Variants in CHD2 observed in about 807,000 individuals in gnomAD.
CHD2 encodes ATP-dependent chromatin remodeler CHD2.
Under a neutral mutation model 243.9 loss-of-function variants are expected in CHD2, and 28 were observed. The ratio of observed to expected loss-of-function variants is 0.11; its 90% CI spans 0.09 to 0.16. CHD2 has a LOEUF of 0.16. Ranked by LOEUF, CHD2 falls within the 10% of genes least tolerant of loss-of-function variation. The probability of loss-of-function intolerance (pLI) is 1.00; values close to 1 mark genes in which losing one functional copy is unlikely to be tolerated. For synonymous variants in CHD2, 775 were observed against 779.0 expected, an observed-to-expected ratio of 0.99 and a Z score of 0.09; for missense variants, 1,386 against 2,209.8, an observed-to-expected ratio of 0.63 and a Z score of 7.47.
chr15:93,020,054 G>A lies in CHD2; in HGVS notation c.4949G>A (p.Gly1650Asp). The A allele has an allele frequency of 1.2e-6, 2 of 1,614,060 alleles. No individual in the cohort carries two copies. The highest frequency in any genetic ancestry group is 1.1e-5 in the South Asian group (1 of 91,074). Residue 1650 changes from glycine (G) to aspartate (D), a missense_variant, in exon 38 of 39, where the codon GGT becomes GAT. Around this residue, in one of 19 missense-constraint regions of CHD2, gnomAD observed 347 missense variants for 341.6 expected, o/e 1.02. Transcript: ENST00000394196. ...AGGGAAAGAAAGTTCAACTATGGTG[G>A]TGGCAACAACAATCCACCATGGGGA... ...WQRERKFNYG[G>D]GNNNPPWGSD...
intron 2 of CHD2, among the ~76,000 whole-genome samples, chr15:92,905,681 T>C (rs1157689549): frequency 1.3e-5 from 2 of 152,262 alleles, no homozygotes; most frequent in Non-Finnish European, 2.9e-5. Flanking sequence ...TGGGAAGAAT[T>C]ATTTGGATAG....
intron 33 of CHD2, 154 bp from the exon 34 acceptor site, chr15:93,004,463 C>G (rs2054295353): frequency 4.8e-6 from 3 of 626,272 alleles, no homozygotes; most frequent in Admixed American, 6.9e-5. Flanking sequence ...ACAGGTTTGT[C>G]TTCATGATGT....
chr15:92,948,787 C>T (rs1485365241), intron 12 of CHD2, among the ~76,000 whole-genome samples, 165 bp from the exon 13 acceptor site: 2 of 152,032 alleles, frequency 1.3e-5, no homozygotes, highest in East Asian at 1.9e-4. Flanking sequence ...TGCAGTGAGC[C>T]GAGATTGGGC....
intron 2 of CHD2, among the ~76,000 whole-genome samples, chr15:92,908,316 G>A (rs1010281632): frequency 1.3e-5 from 2 of 152,184 alleles, no homozygotes; most frequent in Non-Finnish European, 2.9e-5. Context: ...TCAGTGTTCA[G>A]TCTAAACCAT....
chr15:92,971,390 C>T (rs563421210), intron 17 of CHD2, among the ~76,000 whole-genome samples: 50 of 152,166 alleles, frequency 3.3e-4, no homozygotes, highest in Non-Finnish European at 6.2e-4. Context: ...TTTGTGTACA[C>T]ACACACACTT....
chr15:93,011,211 C>T (rs546724043), intron 35 of CHD2, among the ~76,000 whole-genome samples: 1 of 152,026 alleles, frequency 6.6e-6, no homozygotes, highest in South Asian at 2.1e-4. Context: ...TCGCCCTTTA[C>T]AAGTCAAAAA....
chr15:93,023,243 T>C (rs2054554079), intron 38 of CHD2, among the ~76,000 whole-genome samples: 1 of 152,254 alleles, frequency 6.6e-6, no homozygotes, highest in African/African-American at 2.4e-5. Flanking sequence ...TGGATTTGCC[T>C]GTTCTAGACA....
chr15:92,965,539 G>C (rs540142352), intron 16 of CHD2, among the ~76,000 whole-genome samples: 7 of 140,116 alleles, frequency 5.0e-5, no homozygotes, highest in African/African-American at 8.1e-5. Context: ...ACTCCAGCCT[G>C]GGCGACAGAG....
chr15:92,931,279 T>C (rs1409640673), intron 5 of CHD2, among the ~76,000 whole-genome samples: 1 of 152,212 alleles, frequency 6.6e-6, no homozygotes, highest in East Asian at 1.9e-4. Flanking sequence ...AAAAAATTAA[T>C]TCCAAACTTT....
chr15:92,980,938 T>G, intron 23 of CHD2, 27 bp downstream of exon 23: 1 of 1,517,384 alleles, frequency 6.6e-7, no homozygotes, highest in South Asian at 1.1e-5. Context: ...AGAGGGAAAT[T>G]TTTTTGAGAA....
intron 35 of CHD2, among the ~76,000 whole-genome samples, chr15:93,011,428 G>A (rs1304748661): frequency 6.6e-6 from 1 of 152,162 alleles, no homozygotes; most frequent in African/African-American, 2.4e-5. Flanking sequence ...TTCAGCAAAG[G>A]CTTGAAAGTG....
rs1064796449 is a variant in CHD2, at chr15:93,012,388, C to G, written c.4636C>G (p.Arg1546Gly). ...TTCCAAGTTTACAGAATTTGATGCT[C>G]GAAAACTGCATAAGTTATACAAGAT... ...FVSKFTEFDA[R>G]KLHKLYKMAH... Residue 1546 changes from arginine to glycine, a missense_variant, in exon 36 of 39, where the codon CGA becomes GGA. Arg to Gly is a moderately radical substitution (Grantham distance 125). Coordinates refer to ENST00000394196, the MANE Select transcript of CHD2 (RefSeq NM_001271.4). 3.1e-6 allele frequency: 5 copies of G among 1,606,428 alleles called. No individual in the cohort carries two copies. Among genetic ancestry groups the G allele is most frequent in the Non-Finnish European group, 4.2e-6 (5 of 1,177,670 alleles).
intron 16 of CHD2, among the ~76,000 whole-genome samples, chr15:92,962,242 A>G (rs1405775996): frequency 6.7e-6 from 1 of 150,166 alleles, no homozygotes; most frequent in African/African-American, 2.5e-5. Context: ...TTTTCATTTA[A>G]TTTTCTCTTT....
chr15:92,903,877 A>C (rs768474867), intron 2 of CHD2, among the ~76,000 whole-genome samples: 38 of 152,172 alleles, frequency 2.5e-4, no homozygotes, highest in Non-Finnish European at 4.3e-4. Flanking sequence ...GTGCGGGTAA[A>C]TCCTACAATT....
intron 2 of CHD2, chr15:92,901,517 T>TA (rs932892379): frequency 1.0e-5 from 6 of 578,892 alleles, no homozygotes; most frequent in East Asian, 8.6e-5. Flanking sequence ...TAAGGCCTCT[T>TA]ACAGCAGTCA....
intron 5 of CHD2, among the ~76,000 whole-genome samples, chr15:92,930,520 C>T (rs1309724387): frequency 2.0e-5 from 3 of 152,066 alleles, no homozygotes; most frequent in Non-Finnish European, 2.9e-5. Context: ...GCAGCCTTGG[C>T]TTGCTGGACT....
At chr15:92,904,040 T>C (rs1461915564) in intron 2 of CHD2, among the ~76,000 whole-genome samples, 9 of 152,206 alleles carry the variant, frequency 5.9e-5, no homozygotes, top group Non-Finnish European at 1.3e-4. Context: ...GAAGACTGAA[T>C]CTAAACTAAT....
At chr15:93,004,216 T>C (rs890092911) in intron 33 of CHD2, among the ~76,000 whole-genome samples, 3 of 152,202 alleles carry the variant, frequency 2.0e-5, no homozygotes, top group African/African-American at 4.8e-5. Flanking sequence ...AGAGTTCATT[T>C]ACAATAATGT....
At chr15:92,926,385 T>A (rs886882861) in intron 3 of CHD2, among the ~76,000 whole-genome samples, 6 of 152,232 alleles carry the variant, frequency 3.9e-5, no homozygotes, top group Non-Finnish European at 7.3e-5. Flanking sequence ...AACCCATATT[T>A]CTCATCTCAG....
Sources: allele counts gnomAD v4.1 joint callset (sites outside exome capture counted in the v4.1 genomes callset), GRCh38; gene constraint gnomAD v4.1.1; regional missense constraint gnomAD v4.1.1; transcripts MANE v1.5; gene names NCBI Gene and HGNC (gene_info 2026-07-23, HGNC 2026-07-21).